ANXA13: variants seen among roughly 807,000 people sequenced by gnomAD.
The protein encoded by ANXA13 is annexin A13.
A neutral mutation model predicts 46.6 loss-of-function variants in ANXA13; 36 were observed. The observed-to-expected ratio is 0.77, with a 90% CI of 0.59 to 1.02. The LOEUF is 1.02. Among genes scored for constraint, ANXA13 ranks in the 50% least tolerant of loss-of-function variants. ANXA13 has a pLI of 0.00. For synonymous variants in ANXA13, 163 were observed against 152.9 expected (o/e 1.07, Z -0.49); for missense variants, 417 against 396.5 (o/e 1.05, Z -0.44).
intron 2 of ANXA13, among the ~76,000 whole-genome samples, chr8:123,704,686 C>A (rs1320751357): frequency 3.9e-5 from 6 of 152,142 alleles, no homozygotes; most frequent in Admixed American, 3.9e-4. Context: ...CATGAGCCAC[C>A]GCACCCGGCC....
Position 123,693,583 on chromosome 8 carries a change from G to T in ANXA13, c.540+128C>A, listed in dbSNP as rs965703124. 1.5e-5 allele frequency: 12 copies of T among 824,072 alleles called. No homozygotes were observed. In the African/African-American group the frequency reaches 2.1e-4, roughly 14 times the overall value. The allele number at this position is 824,072 out of a possible 1,614,324, so 51.0% of individuals were successfully genotyped here. ...GGAGACTATATATATGATCTAGAAAGATCTAAGCATATCTTTGTTTCTTAT... is the reference window on the plus strand; with the variant it reads ...GGAGACTATATATATGATCTAGAAATATCTAAGCATATCTTTGTTTCTTAT... On this transcript the variant is annotated intron_variant, in intron 7 of 10. Transcript: ENST00000419625.
intron 3 of ANXA13, among the ~76,000 whole-genome samples, chr8:123,700,405 G>A (rs1298474524): frequency 1.3e-5 from 2 of 152,182 alleles, no homozygotes; most frequent in South Asian, 2.1e-4. Flanking sequence ...CTGTTACCAC[G>A]GGGTGGTTAT....
intron 3 of ANXA13, among the ~76,000 whole-genome samples, chr8:123,701,239 AT>A (rs1813441833): frequency 1.3e-5 from 2 of 152,210 alleles, no homozygotes; most frequent in Non-Finnish European, 2.9e-5. Context: ...CTTTGGGCTG[AT>A]GTGGGCAGAT....
At chr8:123,716,671 C>T (rs1297388334) in intron 1 of ANXA13, among the ~76,000 whole-genome samples, 3 of 152,114 alleles carry the variant, frequency 2.0e-5, no homozygotes, top group African/African-American at 7.2e-5. Flanking sequence ...CAGCGATGCT[C>T]AGTGCTGATG....
At chr8:123,705,022 C>G (rs1046511822) in intron 2 of ANXA13, among the ~76,000 whole-genome samples, 6 of 152,202 alleles carry the variant, frequency 3.9e-5, no homozygotes, top group Non-Finnish European at 8.8e-5. Flanking sequence ...GTAGCTTAAA[C>G]CAAACTCATT....
intron 1 of ANXA13, among the ~76,000 whole-genome samples, chr8:123,714,877 A>G (rs1488649621): frequency 6.6e-6 from 1 of 152,224 alleles, no homozygotes; most frequent in Non-Finnish European, 1.5e-5. Flanking sequence ...CCAGGTAAGG[A>G]AACCTGGGTT....
chr8:123,684,567 A>C, intron 10 of ANXA13, 43 bp downstream of exon 10: 1 of 1,362,134 alleles, frequency 7.3e-7, no homozygotes, highest in South Asian at 1.2e-5. Context: ...GGTGGAAAAA[A>C]GAGAAGTTGC....
chr8:123,735,733 G>T (rs968224298), intron 1 of ANXA13: 3 of 1,602,682 alleles, frequency 1.9e-6, no homozygotes, highest in Non-Finnish European at 1.7e-6. Context: ...CCTATGATTT[G>T]GGGGGAAAAT....
chr8:123,682,670 C>T (rs1410145088), intron 10 of ANXA13, among the ~76,000 whole-genome samples: 1 of 152,096 alleles, frequency 6.6e-6, no homozygotes, highest in African/African-American at 2.4e-5. Flanking sequence ...CCTGTGTGTC[C>T]CCCTGCTCCG....
chr8:123,711,017 G>A (rs1366991827), intron 2 of ANXA13, among the ~76,000 whole-genome samples: 1 of 152,054 alleles, frequency 6.6e-6, no homozygotes, highest in Non-Finnish European at 1.5e-5. Flanking sequence ...GGATACAGGG[G>A]AAAATCACAC....
intron 9 of ANXA13, among the ~76,000 whole-genome samples, chr8:123,688,336 T>G (rs1813175855): frequency 6.6e-6 from 1 of 152,224 alleles, no homozygotes; most frequent in Non-Finnish European, 1.5e-5. Flanking sequence ...GCCTTCCGTC[T>G]TCAGCCATGA....
chr8:123,717,989 T>A (rs1264192539), intron 1 of ANXA13, among the ~76,000 whole-genome samples: 1 of 152,266 alleles, frequency 6.6e-6, no homozygotes, highest in Non-Finnish European at 1.5e-5. Context: ...CAGGCTCGCT[T>A]GCGCCCAGAG....
chr8:123,692,714 C>A (rs1237389359), intron 8 of ANXA13, among the ~76,000 whole-genome samples: 1 of 152,140 alleles, frequency 6.6e-6, no homozygotes, highest in Non-Finnish European at 1.5e-5. Flanking sequence ...TCTTATTTAA[C>A]CTTAAAATCA....
rs577425296 is a variant in ANXA13 at position 123,695,276 on chromosome 8, G to A, written c.471+226C>T. ...ATGAGCCGATTCATTTACAAAAAGTGATTGTAAACTGCAAATGACTAGGCA... is the reference window on the plus strand; with the variant it reads ...ATGAGCCGATTCATTTACAAAAAGTAATTGTAAACTGCAAATGACTAGGCA... On this transcript the variant is annotated intron_variant, in intron 6 of 10. Coordinates refer to ENST00000419625, the MANE Select transcript of ANXA13 (RefSeq NM_004306.4). 4.6e-5 allele frequency among the ~76,000 whole-genome samples: 7 copies of A among 152,270 alleles called. No individual in the cohort carries two copies. The South Asian group carries it at 1.0e-3, about 23-fold the overall frequency.
chr8:123,705,628 T>C (rs910777014), intron 2 of ANXA13, among the ~76,000 whole-genome samples: 1 of 152,218 alleles, frequency 6.6e-6, no homozygotes, highest in South Asian at 2.1e-4. Context: ...TACATGGCAG[T>C]GTGTGCTGTT....
At chr8:123,711,470 C>T (rs1456443881) in intron 2 of ANXA13, among the ~76,000 whole-genome samples, 2 of 152,218 alleles carry the variant, frequency 1.3e-5, no homozygotes, top group African/African-American at 4.8e-5. Flanking sequence ...CCTCATCCCA[C>T]CCTGGTCCCT....
At position 123,714,416 on chromosome 8, in the gene ANXA13, G is replaced by C. The variant is rs139113401; in HGVS notation, c.16-1663C>G. On this transcript the variant is annotated intron_variant, in intron 1 of 10. Transcript: ENST00000419625. ...TGAGTCTGCTACAGTGAAAGTGCGT[G>C]AGTCTAGGGCTCTTAGTGCCCATTT... 4.7e-3 allele frequency among the ~76,000 whole-genome samples: 723 copies of C among 152,332 alleles called. 9 individuals carry two copies. Among genetic ancestry groups the C allele is most frequent in the African/African-American group, 0.016 (646 of 41,578 alleles).
At chr8:123,712,813 C>T (rs558920512) in intron 1 of ANXA13, 60 bp from the exon 2 acceptor site, 20 of 1,498,630 alleles carry the variant, frequency 1.3e-5, no homozygotes, top group Non-Finnish European at 1.7e-5. Flanking sequence ...TGATCTCTGG[C>T]TAAAATCGGT....
rs116711941 is a variant in ANXA13 at position 123,691,602 on chromosome 8, G to A, written c.642+1595C>T. Among the ~76,000 whole-genome samples the A allele has an allele frequency of 3.1e-3, 472 of 152,160 alleles. 3 individuals are homozygous for A. Among genetic ancestry groups the A allele is most frequent in the African/African-American group, 0.011 (438 of 41,498 alleles). Reference sequence around the variant, plus strand: ...GTAGGTACTATTATCCCTATTTTACGTTTGGGAAACCGAGGCACAGAACCC... The same window carrying A: ...GTAGGTACTATTATCCCTATTTTACATTTGGGAAACCGAGGCACAGAACCC... On this transcript the variant is annotated intron_variant, in intron 8 of 10. Transcript: ENST00000419625.
Sources: allele counts gnomAD v4.1 joint callset (sites outside exome capture counted in the v4.1 genomes callset), GRCh38; gene constraint gnomAD v4.1.1; transcripts MANE v1.5; gene names NCBI Gene and HGNC (gene_info 2026-07-23, HGNC 2026-07-21).